TRIM44: variants seen among roughly 807,000 people sequenced by gnomAD.
TRIM44 encodes the protein tripartite motif-containing protein 44.
A neutral mutation model predicts 37.4 loss-of-function variants in TRIM44; 13 were observed. That is an observed-to-expected ratio of 0.35 (90% CI 0.23 to 0.55). TRIM44 has a LOEUF of 0.55. Ranked by LOEUF, TRIM44 falls within the 20% of genes least tolerant of loss-of-function variation. TRIM44 has a pLI of 0.89. For synonymous variants in TRIM44, 175 were observed against 157.2 expected, an observed-to-expected ratio of 1.11 and a Z score of -0.85; for missense variants, 426 against 437.2, an observed-to-expected ratio of 0.97 and a Z score of 0.23.
At chr11:35,768,139 T>G (rs563770333) in intron 4 of TRIM44, among the ~76,000 whole-genome samples, 5 of 152,324 alleles carry the variant, frequency 3.3e-5, no homozygotes, top group Admixed American at 2.0e-4. Flanking sequence ...ACTCAATGAT[T>G]TGATTGTGGG....
intron 4 of TRIM44, among the ~76,000 whole-genome samples, chr11:35,776,444 G>A (rs528945803): frequency 6.6e-6 from 1 of 152,176 alleles, no homozygotes; most frequent in Admixed American, 6.5e-5. Context: ...AGGGTTTTTT[G>A]TGTCTCTATC....
chr11:35,798,539 A>G (rs1025267605), intron 4 of TRIM44, among the ~76,000 whole-genome samples: 4 of 151,368 alleles, frequency 2.6e-5, no homozygotes, highest in African/African-American at 9.7e-5. Context: ...TCTAAAAATT[A>G]AAGCTTATAA....
At chr11:35,712,981 A>T (rs1472447397) in intron 2 of TRIM44, among the ~76,000 whole-genome samples, 1 of 152,202 alleles carries the variant, frequency 6.6e-6, no homozygotes, top group Non-Finnish European at 1.5e-5. Context: ...TGCTCAGGGA[A>T]AAAGGTGTTT....
intron 2 of TRIM44, among the ~76,000 whole-genome samples, chr11:35,702,807 C>G (rs1173600111): frequency 6.6e-6 from 1 of 152,236 alleles, no homozygotes; most frequent in Non-Finnish European, 1.5e-5. Context: ...CAGCTCCAGT[C>G]TACAGCTCCC....
chr11:35,795,345 T>C (rs1166460031), intron 4 of TRIM44, among the ~76,000 whole-genome samples: 1 of 152,052 alleles, frequency 6.6e-6, no homozygotes, highest in Admixed American at 6.6e-5. Context: ...TAGGCAATAG[T>C]GCATTAAGAT....
At chr11:35,722,196 G>A (rs1399779800) in intron 2 of TRIM44, among the ~76,000 whole-genome samples, 4 of 152,186 alleles carry the variant, frequency 2.6e-5, no homozygotes, top group South Asian at 2.1e-4. Context: ...AGAGGGAAGT[G>A]AAAATGGACT....
At chr11:35,669,569 A>C (rs1851369862) in intron 1 of TRIM44, among the ~76,000 whole-genome samples, 1 of 151,922 alleles carries the variant, frequency 6.6e-6, no homozygotes, top group South Asian at 2.1e-4. Context: ...TCCACCTCCC[A>C]GATTCAAGTG....
intron 4 of TRIM44, among the ~76,000 whole-genome samples, chr11:35,738,392 C>T (rs1321110682): frequency 2.6e-5 from 4 of 152,162 alleles, no homozygotes; most frequent in Non-Finnish European, 4.4e-5. Flanking sequence ...GGCCATCTCC[C>T]TTGAGCCAGG....
Position 35,810,461 on chromosome 11 carries a change from T to TATTA in TRIM44, c.*4077_*4080dup, listed in dbSNP as rs1407443691. The TATTA allele has an allele frequency of 1.3e-5, 2 of 152,152 alleles. No homozygotes were observed. Among genetic ancestry groups the TATTA allele is most frequent in the African/African-American group, 4.8e-5 (2 of 41,428 alleles). 9.4% of individuals were successfully genotyped at this position (152,152 alleles called of 1,614,324 possible). On this transcript the variant is annotated 3_prime_UTR_variant, in exon 5 of 5. Transcript: ENST00000299413. The stretch of plus-strand genomic sequence containing the variant: ...CCCATATGGGAGACTTCAGTCTCAT[T>TATTA]ATTATTGCCTTTATCCAGCAGTGCT...
chr11:35,714,948 T>C (rs1158390005), intron 2 of TRIM44, among the ~76,000 whole-genome samples: 3 of 152,196 alleles, frequency 2.0e-5, no homozygotes, highest in Non-Finnish European at 4.4e-5. Flanking sequence ...TAGTTTCATA[T>C]TCCTATAGCA....
At chr11:35,725,123 T>C (rs952208212) in intron 2 of TRIM44, among the ~76,000 whole-genome samples, 2 of 150,574 alleles carry the variant, frequency 1.3e-5, no homozygotes, top group African/African-American at 2.5e-5. Context: ...CTCCATATCA[T>C]ACAGATAGTA....
intron 4 of TRIM44, among the ~76,000 whole-genome samples, chr11:35,776,511 T>C (rs1445304749): frequency 6.6e-6 from 1 of 152,230 alleles, no homozygotes; most frequent in Non-Finnish European, 1.5e-5. Flanking sequence ...CTTTTGAATG[T>C]GCTTGCTCTT....
intron 3 of TRIM44, among the ~76,000 whole-genome samples, chr11:35,731,063 T>C (rs1852252333): frequency 6.6e-6 from 1 of 152,174 alleles, no homozygotes; most frequent in Non-Finnish European, 1.5e-5. Flanking sequence ...TTTCTTTGTT[T>C]CTAATCTTTA....
chr11:35,766,358 A>G (rs1311438659), intron 4 of TRIM44, among the ~76,000 whole-genome samples: 1 of 152,156 alleles, frequency 6.6e-6, no homozygotes, highest in Non-Finnish European at 1.5e-5. Flanking sequence ...ATCTGGTTAT[A>G]TAGGGCTTCT....
chr11:35,748,629 A>G (rs1852524075), intron 4 of TRIM44, among the ~76,000 whole-genome samples: 1 of 152,244 alleles, frequency 6.6e-6, no homozygotes, highest in South Asian at 2.1e-4. Flanking sequence ...CCAATCTACA[A>G]CAAAATCAGA....
At position 35,672,396 on chromosome 11, in the gene TRIM44, C is replaced by T. The variant is rs147404294; in HGVS notation, c.669+8616C>T. Among the ~76,000 whole-genome samples, 196 of 152,192 alleles carry T rather than the reference C, an allele frequency of 1.3e-3. 5 individuals are homozygous for T. Among genetic ancestry groups the T allele is most frequent in the African/African-American group, 4.6e-3 (193 of 41,538 alleles). ...CATGTCCTGTGGTTTGAAAACCACT[C>T]GTCTAGTGTACCCCAAGATCACCTG... On this transcript the variant is annotated intron_variant, in intron 1 of 4. Coordinates refer to ENST00000299413, the MANE Select transcript of TRIM44 (RefSeq NM_017583.6).
intron 2 of TRIM44, among the ~76,000 whole-genome samples, chr11:35,710,104 C>G (rs1379596979): frequency 2.0e-5 from 3 of 152,076 alleles, no homozygotes; most frequent in Admixed American, 6.6e-5. Context: ...CTGGGATTGG[C>G]GAAGACTCAG....
intron 4 of TRIM44, among the ~76,000 whole-genome samples, chr11:35,805,614 A>T (rs1853436741): frequency 6.6e-6 from 1 of 152,118 alleles, no homozygotes; most frequent in African/African-American, 2.4e-5. Flanking sequence ...TGTTGTTTGT[A>T]TTTCACTTCC....
intron 3 of TRIM44, among the ~76,000 whole-genome samples, chr11:35,730,435 GTCTTAAAATA>G (rs1250541473): frequency 1.1e-4 from 16 of 152,172 alleles, no homozygotes; most frequent in African/African-American, 2.9e-4. Flanking sequence ...AAGTAATAGT[GTCTTAAAATA>G]TCTAAAATTT....
Sources: allele counts gnomAD v4.1 joint callset (sites outside exome capture counted in the v4.1 genomes callset), GRCh38; gene constraint gnomAD v4.1.1; transcripts MANE v1.5; gene names NCBI Gene and HGNC (gene_info 2026-07-23, HGNC 2026-07-21).